Variants in UBE2J2 observed in about 807,000 individuals in gnomAD.
UBE2J2 encodes the protein ubiquitin conjugating enzyme E2 J2.
UBE2J2 carries 5 observed loss-of-function variants against 28.6 expected under a neutral mutation model. The observed-to-expected ratio is 0.17, with a 90% CI of 0.09 to 0.37. The LOEUF is 0.37. Ranked by LOEUF, UBE2J2 falls within the 10% of genes least tolerant of loss-of-function variation. The probability of loss-of-function intolerance (pLI) is 1.00; values close to 1 mark genes in which losing one functional copy is unlikely to be tolerated. For synonymous variants in UBE2J2, 138 were observed against 139.7 expected (o/e 0.99, Z 0.09); for missense variants, 226 against 338.9 (o/e 0.67, Z 2.62).
chr1:1,256,901 A>G (rs1639214796), intron 5 of UBE2J2, 91 bp downstream of exon 5: 1 of 1,139,008 alleles, frequency 8.8e-7, no homozygotes, highest in Non-Finnish European at 1.1e-6. Flanking sequence ...AAAAAAAAAA[A>G]AAAAAAAAAA....
chr1:1,259,055 G>A (rs968710360), intron 3 of UBE2J2, among the ~76,000 whole-genome samples: 3 of 150,010 alleles, frequency 2.0e-5, no homozygotes, highest in South Asian at 2.1e-4. Context: ...CAGGACGCAC[G>A]TGTGTGCATG....
chr1:1,261,784 C>G (rs1170080292), intron 3 of UBE2J2, among the ~76,000 whole-genome samples: 1 of 145,222 alleles, frequency 6.9e-6, no homozygotes, highest in South Asian at 2.2e-4. Flanking sequence ...GTAGCTGGGA[C>G]TACAGGGCCC....
Position 1,257,776 on chromosome 1 carries a change from C to T in UBE2J2, c.173-466G>A, listed in dbSNP as rs536983921. 7.2e-5 allele frequency among the ~76,000 whole-genome samples: 11 copies of T among 152,102 alleles called. No homozygotes were observed. In the South Asian group the frequency reaches 2.3e-3, roughly 32 times the overall value. On this transcript the variant is annotated intron_variant, in intron 3 of 6. Coordinates refer to ENST00000349431, the MANE Select transcript of UBE2J2 (RefSeq NM_058167.3). ...TCCAGACCCAGCGACTCTCCAGCACCGTTTGCTTCCCCGACCCAACTGCAC... is the reference window on the plus strand; with the variant it reads ...TCCAGACCCAGCGACTCTCCAGCACTGTTTGCTTCCCCGACCCAACTGCAC...
chr1:1,256,966 C>T, intron 5 of UBE2J2, 26 bp downstream of exon 5: 1 of 1,468,178 alleles, frequency 6.8e-7, no homozygotes, highest in Non-Finnish European at 9.1e-7. Flanking sequence ...GCTGACGGCC[C>T]ACCAGGGAGA....
At chr1:1,259,104 G>A (rs930561755) in intron 3 of UBE2J2, among the ~76,000 whole-genome samples, 8 of 145,284 alleles carry the variant, frequency 5.5e-5, no homozygotes, top group African/African-American at 2.2e-4. Flanking sequence ...GTGTGCATGT[G>A]TGTGCATGCC....
chr1:1,265,780 G>A (rs1319409120), intron 2 of UBE2J2, among the ~76,000 whole-genome samples: 5 of 151,972 alleles, frequency 3.3e-5, no homozygotes, highest in African/African-American at 9.7e-5. Context: ...GATTACAGGC[G>A]TGCGCCACCA....
At chr1:1,273,532 C>G (rs1640275250) in intron 1 of UBE2J2, 134 bp downstream of exon 1, 1 of 152,050 alleles carries the variant, frequency 6.6e-6, no homozygotes, top group African/African-American at 2.4e-5. Context: ...CGGGCCGGGG[C>G]CCCGCGGGCG....
At chr1:1,259,269 ATGTGTATGTGCATGCCATCAGGACGCG>A (rs1639410849) in intron 3 of UBE2J2, among the ~76,000 whole-genome samples, 1 of 149,240 alleles carries the variant, frequency 6.7e-6, no homozygotes, top group East Asian at 2.0e-4. Flanking sequence ...GTGTGTGTGC[ATGTGTATGTGCATGCCATCAGGACGCG>A]TGTGCACGTG....
chr1:1,273,343 C>T (rs1640261228), intron 1 of UBE2J2: 1 of 152,236 alleles, frequency 6.6e-6, no homozygotes, highest in African/African-American at 2.4e-5. Context: ...GGCAGCCCTC[C>T]CCCGACACAG....
In UBE2J2 at chr1:1,263,654, G is replaced by A. The variant is rs916418781; in HGVS notation, c.132-268C>T. On this transcript the variant is annotated intron_variant, in intron 2 of 6. Transcript: ENST00000349431. ...TACCTTTGTTTCGACAATATAACAT[G>A]CACGAAGCTCATCTTAATAATAACT... 1.4e-5 allele frequency: 5 copies of A among 347,474 alleles called. No individual in the cohort carries two copies. The East Asian group carries it at 1.9e-4, about 13-fold the overall frequency. 21.5% of individuals were successfully genotyped at this position (347,474 alleles called of 1,614,324 possible).
chr1:1,265,615 G>GTGTGTGTGTGTGTGTGTGTGTGTGTT, intron 2 of UBE2J2, among the ~76,000 whole-genome samples: 1 of 145,718 alleles, frequency 6.9e-6, no homozygotes, highest in Non-Finnish European at 1.5e-5. Flanking sequence ...GTGTGTGTGT[G>GTGTGTGTGTGTGTGTGTGTGTGTGTT]TGTGTGTGTG....
At chr1:1,257,338 T>C (rs779596277) in intron 3 of UBE2J2, 28 bp from the exon 4 acceptor site, 3 of 1,457,508 alleles carry the variant, frequency 2.1e-6, no homozygotes, top group South Asian at 1.2e-5. Flanking sequence ...AGAAAGGGCC[T>C]TGTCGTCCGC....
intron 1 of UBE2J2, chr1:1,272,836 C>T (rs952878737): frequency 6.4e-6 from 1 of 155,350 alleles, no homozygotes; most frequent in African/African-American, 2.4e-5. Flanking sequence ...AGGTGCTAGA[C>T]TAAGCGAGAT....
chr1:1,270,666 C>T (rs1245479213), intron 1 of UBE2J2, among the ~76,000 whole-genome samples: 4 of 152,164 alleles, frequency 2.6e-5, no homozygotes, highest in Non-Finnish European at 5.9e-5. Context: ...AGCTTCTAGT[C>T]TCTTCCCATT....
At chr1:1,260,819 T>C (rs915339268) in intron 3 of UBE2J2, among the ~76,000 whole-genome samples, 2 of 152,270 alleles carry the variant, frequency 1.3e-5, no homozygotes, top group African/African-American at 4.8e-5. Context: ...TTTTAACTGT[T>C]CTAGGTCCTT....
At chr1:1,261,384 GA>G (rs1639551635) in intron 3 of UBE2J2, among the ~76,000 whole-genome samples, 1 of 152,204 alleles carries the variant, frequency 6.6e-6, no homozygotes. Context: ...AGGGGACCAA[GA>G]TAAAAGCACA....
chr1:1,256,872 C>T (rs927617340), intron 5 of UBE2J2, 120 bp downstream of exon 5: 49 of 1,011,860 alleles, frequency 4.8e-5, no homozygotes, highest in African/African-American at 4.6e-4. Context: ...GGAGACACAG[C>T]GAGACTCCGT....
At chr1:1,262,312 C>A (rs938184607) in intron 3 of UBE2J2, 2 of 455,914 alleles carry the variant, frequency 4.4e-6, no homozygotes, top group African/African-American at 2.0e-5. Flanking sequence ...GGCAATGACA[C>A]GATGATGGAG....
At chr1:1,263,133 A>G (rs1271835156) in intron 3 of UBE2J2, 5 of 555,262 alleles carry the variant, frequency 9.0e-6, no homozygotes, top group Non-Finnish European at 1.6e-5. Context: ...CACAGACGCT[A>G]CAGGCGGCCC....
Sources: allele counts gnomAD v4.1 joint callset (sites outside exome capture counted in the v4.1 genomes callset), GRCh38; gene constraint gnomAD v4.1.1; transcripts MANE v1.5; gene names NCBI Gene and HGNC (gene_info 2026-07-23, HGNC 2026-07-21).